Variants in HK1 observed in about 807,000 individuals in gnomAD.
The protein encoded by HK1 is hexokinase 1.
HK1 carries 28 observed loss-of-function variants against 91.6 expected under a neutral mutation model. The observed-to-expected ratio is 0.31, with a 90% CI of 0.23 to 0.42. The LOEUF (loss-of-function observed/expected upper bound fraction) is 0.42. HK1 is among the 10% of genes least tolerant of loss of function. HK1 has a pLI of 1.00. For synonymous variants in HK1, 430 were observed against 468.1 expected, an observed-to-expected ratio of 0.92 and a Z score of 1.05; for missense variants, 770 against 1,219.8, an observed-to-expected ratio of 0.63 and a Z score of 5.49.
Position 69,376,933 on chromosome 10 carries a change from G to A in HK1, c.876-1G>A. ...AAGTGCCGGTGTGCCTTTCTCCACA[G>A]GTTTGAGAAGATGGTCAGTGGCATG... is the stretch of plus-strand genomic sequence containing the variant. On this transcript the variant is annotated splice_acceptor_variant, in intron 7 of 17. Transcript: ENST00000359426. LOFTEE classifies it high-confidence loss of function. 1.2e-6 allele frequency: 2 copies of A among 1,614,202 alleles called. No homozygotes were observed. Among genetic ancestry groups the A allele is most frequent in the Non-Finnish European group, 1.7e-6 (2 of 1,180,022 alleles).
At chr10:69,318,795 G>T, upstream of HK1, 1 of 1,378,058 alleles carries the variant, frequency 7.3e-7, no homozygotes, top group East Asian at 3.0e-5. Context: ...CCGGGAGCGC[G>T]CGAGCTGTCG....
chr10:69,337,051 TG>T (rs1848030547), intron 1 of HK1, among the ~76,000 whole-genome samples: 1 of 152,200 alleles, frequency 6.6e-6, no homozygotes, highest in Admixed American at 6.5e-5. Flanking sequence ...ACTTTGTTTC[TG>T]CACATTAAAA....
At chr10:69,270,507 C>A (rs2132391895) in intron 1 of HK1, among the ~76,000 whole-genome samples, 1 of 152,042 alleles carries the variant, frequency 6.6e-6, no homozygotes, top group South Asian at 2.1e-4. Flanking sequence ...TGCTTGAACC[C>A]AGGAGGTAGA....
chr10:69,331,091 A>G (rs948713525), intron 1 of HK1, among the ~76,000 whole-genome samples: 1 of 151,726 alleles, frequency 6.6e-6, no homozygotes, highest in African/African-American at 2.4e-5. Flanking sequence ...TGTTGACTAG[A>G]CTGGTCTCGA....
At chr10:69,352,360 A>G (rs998778287) in intron 2 of HK1, among the ~76,000 whole-genome samples, 2 of 152,314 alleles carry the variant, frequency 1.3e-5, no homozygotes, top group East Asian at 1.9e-4. Flanking sequence ...TGGGAGCCCA[A>G]AGAAAATTCT....
At chr10:69,398,964 G>A (rs2132976267) in intron 17 of HK1, 136 bp downstream of exon 17, 1 of 662,620 alleles carries the variant, frequency 1.5e-6, no homozygotes, top group Non-Finnish European at 2.7e-6. Context: ...TTCAGGAGCT[G>A]GGGATTGTCT....
intron 1 of HK1, among the ~76,000 whole-genome samples, chr10:69,326,419 A>T (rs956972716): frequency 6.6e-6 from 1 of 152,132 alleles, no homozygotes; most frequent in Non-Finnish European, 1.5e-5. Flanking sequence ...GAAGGCAAGC[A>T]ATTTATTCCC....
intron 5 of HK1, among the ~76,000 whole-genome samples, chr10:69,310,340 G>A (rs920939058): frequency 5.5e-5 from 8 of 146,546 alleles, no homozygotes; most frequent in African/African-American, 2.0e-4. Flanking sequence ...AGAATCGCCT[G>A]AACCCATCAG....
chr10:69,350,825 GTTGT>G (rs1246881681), intron 2 of HK1, among the ~76,000 whole-genome samples: 2 of 152,088 alleles, frequency 1.3e-5, no homozygotes, highest in Non-Finnish European at 2.9e-5. Flanking sequence ...GTGGTTTATA[GTTGT>G]TTATCAGACT....
At chr10:69,318,788 G>T, upstream of HK1, 1 of 1,353,396 alleles carries the variant, frequency 7.4e-7, no homozygotes, top group South Asian at 1.7e-5. Context: ...GCGGAGACCG[G>T]GAGCGCGCGA....
intron 3 of HK1, 73 bp from the exon 4 acceptor site, chr10:69,364,710 G>A (rs1849606130): frequency 2.0e-5 from 32 of 1,561,714 alleles, no homozygotes; most frequent in African/African-American, 2.7e-5. Context: ...GTGTGGGAGG[G>A]AATGGTTTAT....
chr10:69,398,130 C>T (rs1344721851), intron 16 of HK1, among the ~76,000 whole-genome samples: 1 of 152,170 alleles, frequency 6.6e-6, no homozygotes, highest in Non-Finnish European at 1.5e-5. Flanking sequence ...TTTATAATAG[C>T]AGAAAATTGC....
chr10:69,316,687 G>A (rs1321337738), upstream of HK1, among the ~76,000 whole-genome samples: 2 of 152,276 alleles, frequency 1.3e-5, no homozygotes, highest in Non-Finnish European at 2.9e-5. Context: ...TCAGATAGGA[G>A]TTGTAACAAC....
In HK1 at chr10:69,369,763, G is replaced by A; in HGVS notation, c.875+139G>A. 1.2e-6 allele frequency: 1 copy of A among 857,580 alleles called. No homozygotes were observed. The highest frequency in any genetic ancestry group is 1.9e-6 in the Non-Finnish European group (1 of 525,440). The allele number at this position is 857,580 out of a possible 1,614,324, so 53.1% of individuals were successfully genotyped here. On this transcript the variant is annotated intron_variant, in intron 7 of 17. Coordinates refer to ENST00000359426, the MANE Select transcript of HK1 (RefSeq NM_000188.3). This position sits in a 1 kb window ranked among gnomAD's most constrained non-coding sequence, Gnocchi z 4.4. ...CCTGTCACATTTTTTTTTTGAGGCG[G>A]AGTCTTGCTCTGTCACCCAGGCTGG...
At chr10:69,296,926 A>G (rs1773009736) in intron 4 of HK1, among the ~76,000 whole-genome samples, 1 of 152,140 alleles carries the variant, frequency 6.6e-6, no homozygotes, top group Admixed American at 6.5e-5. Flanking sequence ...GAGAGGGGGT[A>G]GGGGGCATAA....
At position 69,398,692 on chromosome 10, in the gene HK1, G is replaced by A; in HGVS notation, c.2473G>A (p.Val825Met). The change falls in exon 17 of 18, where the codon GTG becomes ATG. Residue 825 changes from valine (V) to methionine (M), a missense_variant. Val to Met is a conservative substitution (Grantham distance 21). Transcript: ENST00000359426. Reference protein sequence around the residue: ...DSILVKTVCGVVSRRAAQLCG... With the variant: ...DSILVKTVCGMVSRRAAQLCG... ...TATCCTCGTCAAGACAGTGTGCGGG[G>A]TGGTGTCCAGGAGGGCCGCACAGCT... 6.2e-7 allele frequency: 1 copy of A among 1,614,222 alleles called. No homozygotes were observed. Among genetic ancestry groups the A allele is most frequent in the Non-Finnish European group, 8.5e-7 (1 of 1,180,036 alleles).
intron 5 of HK1, among the ~76,000 whole-genome samples, chr10:69,301,573 C>CAAAAAAA (rs3086649): frequency 2.6e-4 from 21 of 80,756 alleles, no homozygotes; most frequent in African/African-American, 8.2e-4. Context: ...GACTCTGTCT[C>CAAAAAAA]AAAAAAAAAA....
In HK1 at chr10:69,398,583, T is replaced by C; in HGVS notation, c.2376-12T>C. ...CTGCTTCATCCAGCCCTCTGGCTCT[T>C]GTCCCCCACAGTGACCGATTAGCAC... On this transcript the variant is annotated splice_polypyrimidine_tract_variant and intron_variant, in intron 16 of 17. Coordinates refer to ENST00000359426, the MANE Select transcript of HK1 (RefSeq NM_000188.3). 1 of 1,610,122 alleles carries C rather than the reference T, an allele frequency of 6.2e-7. No individual in the cohort carries two copies. Among genetic ancestry groups the C allele is most frequent in the Non-Finnish European group, 8.5e-7 (1 of 1,177,638 alleles).
At chr10:69,367,701 C>T (rs1204980644) in intron 4 of HK1, among the ~76,000 whole-genome samples, 1 of 151,998 alleles carries the variant, frequency 6.6e-6, no homozygotes, top group Non-Finnish European at 1.5e-5. Context: ...TGAGCTACCT[C>T]TGCAGGCCTG....
Sources: gnomAD v4.1 joint callset for allele counts (sites outside exome capture counted in the v4.1 genomes callset) on GRCh38, gnomAD v4.1.1 for gene constraint, Gnocchi (gnomAD v3.1) non-coding constraint, MANE v1.5 for transcripts, NCBI Gene and HGNC (gene_info 2026-07-23, HGNC 2026-07-21) for gene names.